YTHDF3: variants seen among roughly 807,000 people sequenced by gnomAD.
YTHDF3 encodes the protein YTH N6-methyladenosine RNA binding protein F3, also known as YTH domain-containing family protein 3.
Under a neutral mutation model 52.5 loss-of-function variants are expected in YTHDF3, and 9 were observed. The ratio of observed to expected loss-of-function variants is 0.17; its 90% CI spans 0.10 to 0.30. YTHDF3 has a LOEUF of 0.30. Among genes scored for constraint, YTHDF3 ranks in the 10% least tolerant of loss-of-function variants. The pLI, the probability that YTHDF3 is intolerant of heterozygous loss-of-function variation, is 1.00. For missense variants in YTHDF3, 534 were observed against 715.0 expected, an observed-to-expected ratio of 0.75 and a Z score of 2.89; for synonymous variants, 274 against 243.3, an observed-to-expected ratio of 1.13 and a Z score of -1.18.
At chr8:63,204,134 C>CT (rs1809827612) in intron 4 of YTHDF3, among the ~76,000 whole-genome samples, 1 of 152,000 alleles carries the variant, frequency 6.6e-6, no homozygotes, top group Non-Finnish European at 1.5e-5. Flanking sequence ...TCTGTTTGTT[C>CT]TTTTTTCTTC....
At chr8:63,205,893 A>T (rs547544646) in intron 4 of YTHDF3, among the ~76,000 whole-genome samples, 1 of 152,276 alleles carries the variant, frequency 6.6e-6, no homozygotes, top group Non-Finnish European at 1.5e-5. Flanking sequence ...GTTCTTAAAA[A>T]ATGGATCATT....
At chr8:63,170,404 G>A (rs1369455) in intron 2 of YTHDF3, among the ~76,000 whole-genome samples, 116,972 of 152,072 alleles carry the variant, frequency 0.77, 46,332 homozygotes, top group East Asian at 0.98. Flanking sequence ...ATGTAGATTA[G>A]TTTCCTCTGA....
At chr8:63,174,109 T>C (rs962266114) in intron 2 of YTHDF3, among the ~76,000 whole-genome samples, 1 of 152,238 alleles carries the variant, frequency 6.6e-6, no homozygotes, top group African/African-American at 2.4e-5. Context: ...AAAAATGTTA[T>C]ATTACAGAGG....
At chr8:63,181,471 T>A (rs2130046026) in intron 3 of YTHDF3, among the ~76,000 whole-genome samples, 1 of 152,342 alleles carries the variant, frequency 6.6e-6, no homozygotes, top group Non-Finnish European at 1.5e-5. Flanking sequence ...ATTGGCAAAA[T>A]AGAACTTACC....
intron 4 of YTHDF3, among the ~76,000 whole-genome samples, chr8:63,189,527 T>C (rs1000338313): frequency 1.3e-4 from 20 of 152,220 alleles, no homozygotes; most frequent in African/African-American, 4.8e-4. Flanking sequence ...AAGAGGTAAC[T>C]TAACTCTATG....
intron 4 of YTHDF3, among the ~76,000 whole-genome samples, chr8:63,193,417 T>TA (rs567482718): frequency 1.1e-3 from 166 of 149,954 alleles, no homozygotes; most frequent in African/African-American, 3.7e-3. Flanking sequence ...CCATGTTTCT[T>TA]AAAAGACTAA....
chr8:63,173,320 T>C (rs1272247923), intron 2 of YTHDF3, among the ~76,000 whole-genome samples: 1 of 151,098 alleles, frequency 6.6e-6, no homozygotes, highest in East Asian at 2.0e-4. Flanking sequence ...CATAGCTCAG[T>C]GTAACCTGGA....
At position 63,209,916 on chromosome 8, in the gene YTHDF3, G is replaced by A; in HGVS notation, c.*210G>A. On this transcript the variant is annotated 3_prime_UTR_variant, in exon 5 of 5. Transcript: ENST00000539294. Reference sequence around the variant, plus strand: ...AAACACACTTGAGAACTGTAACTTCGTCAAGCACTTTCTGTCCTGAAGCTT... The same window carrying A: ...AAACACACTTGAGAACTGTAACTTCATCAAGCACTTTCTGTCCTGAAGCTT... 2.1e-6 allele frequency: 1 copy of A among 476,622 alleles called. No individual in the cohort carries two copies. Among genetic ancestry groups the A allele is most frequent in the South Asian group, 3.8e-5 (1 of 26,148 alleles). 29.5% of individuals were successfully genotyped at this position (476,622 alleles called of 1,614,324 possible). A position where few individuals can be genotyped will look rare whatever the true frequency, so the allele number is the denominator to read the frequency against.
intron 4 of YTHDF3, among the ~76,000 whole-genome samples, chr8:63,208,950 C>G (rs1810208950): frequency 1.3e-5 from 2 of 152,294 alleles, no homozygotes; most frequent in Admixed American, 6.5e-5. Context: ...TCATGGCAAC[C>G]TCCACCTCCT....
chr8:63,182,565 A>T (rs1298597893), intron 3 of YTHDF3, among the ~76,000 whole-genome samples: 11 of 152,178 alleles, frequency 7.2e-5, no homozygotes, highest in Admixed American at 7.2e-4. Context: ...AAATAAGAAT[A>T]TTCAATATAA....
intron 4 of YTHDF3, 55 bp from the exon 5 acceptor site, chr8:63,209,628 A>G: frequency 1.3e-6 from 2 of 1,482,154 alleles, no homozygotes; most frequent in Admixed American, 2.3e-5. Context: ...ATCTTTAAAT[A>G]ATGAGAGTTT....
At chr8:63,192,728 ATGTGC>A (rs1055278835) in intron 4 of YTHDF3, among the ~76,000 whole-genome samples, 11 of 151,764 alleles carry the variant, frequency 7.2e-5, no homozygotes, top group African/African-American at 2.4e-4. Flanking sequence ...TGAAGGAAGG[ATGTGC>A]TGCCTGTCTA....
intron 2 of YTHDF3, 86 bp from the exon 3 acceptor site, chr8:63,175,245 T>C: frequency 2.1e-6 from 2 of 969,046 alleles, no homozygotes; most frequent in Non-Finnish European, 3.1e-6. Flanking sequence ...TTACTTTTTT[T>C]GGCTTGAAAA....
chr8:63,200,848 A>C (rs1003555419), intron 4 of YTHDF3, among the ~76,000 whole-genome samples: 6 of 152,214 alleles, frequency 3.9e-5, no homozygotes, highest in African/African-American at 1.4e-4. Flanking sequence ...AATATGTAGG[A>C]TTTCATAATA....
At position 63,186,871 on chromosome 8, in the gene YTHDF3, A is replaced by G. The variant is rs1808544738; in HGVS notation, c.860A>G (p.Lys287Arg). 6.2e-7 allele frequency: 1 copy of G among 1,613,876 alleles called. No homozygotes were observed. The highest frequency in any genetic ancestry group is 8.5e-7 in the Non-Finnish European group (1 of 1,179,906). Residue 287 changes from lysine to arginine, a missense_variant, in exon 4 of 5, where the codon AAG becomes AGG. Lys to Arg is a conservative substitution (Grantham distance 26). Around this residue, in one of 3 missense-constraint regions of YTHDF3, gnomAD observed 203 missense variants for 201.3 expected, o/e 1.01. Coordinates refer to ENST00000539294, the MANE Select transcript of YTHDF3 (RefSeq NM_152758.6). ...GTWDEKGSVV[K>R]APPTQPVLPP... ...TGGGATGAAAAAGGGTCAGTGGTAA[A>G]GGCTCCACCAACCCAACCAGTTCTG...
Position 63,198,973 on chromosome 8 carries a change from AT to A in YTHDF3, c.1735-10709del, listed in dbSNP as rs147583913. Among the ~76,000 whole-genome samples, 424 of 149,120 alleles carry A rather than the reference AT, an allele frequency of 2.8e-3. 3 individuals are homozygous for A. The highest frequency in any genetic ancestry group is 9.7e-3 in the African/African-American group (388 of 40,040). On this transcript the variant is annotated intron_variant, in intron 4 of 4. Transcript: ENST00000539294. Reference sequence around the variant, plus strand: ...TTTATGTAACATATTTAATTAAATAATGTAACATATTTGATTAAATAATTCC... The same window carrying A: ...TTTATGTAACATATTTAATTAAATAAGTAACATATTTGATTAAATAATTCC...
rs376889574 is a variant in YTHDF3, at chr8:63,187,535, C to T, written c.1524C>T (p.Val508=). The change falls in exon 4 of 5, where the codon GTC becomes GTT. Residue 508 remains valine (V), a synonymous_variant. Transcript: ENST00000539294. ...AATTTGAAGTTAAATGGATCTTTGT[C>T]AAAGATGTTCCCAATAACCAATTAC... is the stretch of plus-strand genomic sequence containing the variant. ...KGKFEVKWIF[V]KDVPNNQLRH... 3 of 1,613,764 alleles carry T rather than the reference C, an allele frequency of 1.9e-6. No homozygotes were observed. Among genetic ancestry groups the T allele is most frequent in the Non-Finnish European group, 2.5e-6 (3 of 1,179,866 alleles).
intron 4 of YTHDF3, 46 bp from the exon 5 acceptor site, chr8:63,209,635 GTT>G (rs1370457346): frequency 6.7e-7 from 1 of 1,488,084 alleles, no homozygotes. Context: ...AATAATGAGA[GTT>G]TTTCATTGTA....
At chr8:63,180,911 C>T (rs949453028) in intron 3 of YTHDF3, among the ~76,000 whole-genome samples, 16 of 152,204 alleles carry the variant, frequency 1.1e-4, no homozygotes, top group African/African-American at 3.1e-4. Context: ...TGCAGTGAGC[C>T]GAGATGGCAG....
Sources: gnomAD v4.1 joint callset for allele counts (sites outside exome capture counted in the v4.1 genomes callset) on GRCh38, gnomAD v4.1.1 for gene constraint, gnomAD v4.1.1 regional missense constraint, MANE v1.5 for transcripts, NCBI Gene and HGNC (gene_info 2026-07-23, HGNC 2026-07-21) for gene names.